Variants in RBM47 observed in about 807,000 individuals in gnomAD.
RBM47 encodes the protein RNA-binding protein 47.
RBM47 carries 21 observed loss-of-function variants against 47.1 expected under a neutral mutation model. That is an observed-to-expected ratio of 0.45 (90% confidence interval 0.32 to 0.64). RBM47 has a LOEUF of 0.64. Among genes scored for constraint, RBM47 ranks in the 30% least tolerant of loss-of-function variants. RBM47 has a pLI of 0.05. For synonymous variants in RBM47, 375 were observed against 361.7 expected (o/e 1.04, Z -0.42); for missense variants, 708 against 870.9 (o/e 0.81, Z 2.35).
At chr4:40,620,179 G>A (rs560540911) in intron 1 of RBM47, among the ~76,000 whole-genome samples, 11 of 113,056 alleles carry the variant, frequency 9.7e-5, no homozygotes, top group African/African-American at 3.9e-4. Context: ...CTGGGCGATA[G>A]AGTGAGACTC....
chr4:40,582,425 T>C (rs1023041100), intron 1 of RBM47, among the ~76,000 whole-genome samples: 13 of 152,068 alleles, frequency 8.5e-5, no homozygotes, highest in African/African-American at 3.1e-4. Flanking sequence ...TCCCAGCTAC[T>C]TGGGACGCTG....
intron 1 of RBM47, among the ~76,000 whole-genome samples, chr4:40,599,396 G>T (rs1735041202): frequency 6.6e-6 from 1 of 152,100 alleles, no homozygotes; most frequent in Non-Finnish European, 1.5e-5. Context: ...ACCCATTTAG[G>T]TTGATCCTTA....
intron 3 of RBM47, among the ~76,000 whole-genome samples, chr4:40,458,834 C>A (rs926762765): frequency 6.6e-6 from 1 of 151,960 alleles, no homozygotes; most frequent in African/African-American, 2.4e-5. Context: ...AAAACAGGTC[C>A]TTCTGCAAAC....
At chr4:40,492,689 G>A (rs1722044551) in intron 2 of RBM47, among the ~76,000 whole-genome samples, 2 of 152,154 alleles carry the variant, frequency 1.3e-5, no homozygotes, top group African/African-American at 2.4e-5. Context: ...GCCTGGCTTT[G>A]TGTCCCAGCT....
intron 1 of RBM47, among the ~76,000 whole-genome samples, chr4:40,545,701 A>ATAAATAAATAAATAAATAAG (rs1238244124): frequency 4.0e-5 from 6 of 151,654 alleles, no homozygotes; most frequent in African/African-American, 1.4e-4. Context: ...AAATAAATAA[A>ATAAATAAATAAATAAATAAG]TAAAAGAGAA....
At position 40,437,651 on chromosome 4, in the gene RBM47, G is replaced by T. The variant is rs532370995; in HGVS notation, c.1123+120C>A. Reference sequence around the variant, plus strand: ...GACCCAGAATGCAAACCCAAAACGGGGGTGGGAGGGCCTTCAGCACCTACC... The same window carrying T: ...GACCCAGAATGCAAACCCAAAACGGTGGTGGGAGGGCCTTCAGCACCTACC... On this transcript the variant is annotated intron_variant, in intron 4 of 6. Transcript: ENST00000295971. The T allele has an allele frequency of 2.3e-4, 234 of 1,030,972 alleles. No individual in the cohort carries two copies. The African/African-American group carries it at 3.4e-3, about 15-fold the overall frequency. The allele number at this position is 1,030,972 out of a possible 1,614,324, so 63.9% of individuals were successfully genotyped here. A position where few individuals can be genotyped will look rare whatever the true frequency, so the allele number is the denominator to read the frequency against.
intron 1 of RBM47, among the ~76,000 whole-genome samples, chr4:40,584,114 C>T (rs76308876): frequency 0.011 from 1,606 of 152,160 alleles, 12 homozygotes; most frequent in Middle Eastern, 0.024. Context: ...CAGGCACGCA[C>T]CAACATGCCC....
At chr4:40,561,227 CTTT>C (rs1176318537) in intron 1 of RBM47, among the ~76,000 whole-genome samples, 4 of 113,640 alleles carry the variant, frequency 3.5e-5, no homozygotes, top group Non-Finnish European at 3.6e-5. Flanking sequence ...TTTCCATTGT[CTTT>C]TTTTTTTTTT....
intron 3 of RBM47, among the ~76,000 whole-genome samples, chr4:40,448,268 T>A (rs998981045): frequency 7.0e-6 from 1 of 143,184 alleles, no homozygotes; most frequent in Non-Finnish European, 1.5e-5. Flanking sequence ...ACTGTGAGAG[T>A]GTGTGTGTGT....
chr4:40,545,625 T>C (rs111269168), intron 1 of RBM47, among the ~76,000 whole-genome samples: 1 of 149,140 alleles, frequency 6.7e-6, no homozygotes, highest in African/African-American at 2.4e-5. Context: ...GATCACGCGA[T>C]TGCTCTCCAG....
intron 1 of RBM47, among the ~76,000 whole-genome samples, chr4:40,605,192 T>C (rs182435316): frequency 5.9e-4 from 89 of 151,404 alleles, no homozygotes; most frequent in African/African-American, 1.9e-3. Flanking sequence ...CCAGCTAATT[T>C]TTTTGTATTT....
chr4:40,442,628 T>C, intron 3 of RBM47, among the ~76,000 whole-genome samples: 1 of 152,226 alleles, frequency 6.6e-6, no homozygotes, highest in Admixed American at 6.5e-5. Context: ...CAATGGATTA[T>C]GATAAACAGA....
chr4:40,465,000 G>C (rs1478095485), intron 3 of RBM47, among the ~76,000 whole-genome samples: 3 of 151,544 alleles, frequency 2.0e-5, no homozygotes, highest in Non-Finnish European at 4.4e-5. Context: ...GGGCTTATGG[G>C]TAGATTTTGT....
chr4:40,499,741 C>G (rs1723096419), intron 2 of RBM47, among the ~76,000 whole-genome samples: 1 of 152,182 alleles, frequency 6.6e-6, no homozygotes, highest in Non-Finnish European at 1.5e-5. Context: ...AGTTCTATGA[C>G]TCCTTGGAAT....
intron 2 of RBM47, among the ~76,000 whole-genome samples, chr4:40,532,012 TC>T (rs1727438694): frequency 6.7e-6 from 1 of 149,952 alleles, no homozygotes; most frequent in Non-Finnish European, 1.5e-5. Flanking sequence ...TTTTTTTTTA[TC>T]TTTTTTTTTT....
rs1714662830 is a variant in RBM47, at chr4:40,423,689, TTTCTTTCTTTC to T, written c.*2204_*2214del. The T allele has an allele frequency of 9.5e-6, 1 of 104,900 alleles. No homozygotes were observed. Among genetic ancestry groups the T allele is most frequent in the African/African-American group, 5.2e-5 (1 of 19,396 alleles). The allele number at this position is 104,900 out of a possible 1,614,324, so 6.5% of individuals were successfully genotyped here. On this transcript the variant is annotated 3_prime_UTR_variant, in exon 7 of 7. Coordinates refer to ENST00000295971, the MANE Select transcript of RBM47 (RefSeq NM_001098634.2). ...CTTTCTTTCTTTCTTTCTTTCTTTC[TTTCTTTCTTTC>T]TTTCTTTCTTTCTTTTCTTTCTTTT...
intron 2 of RBM47, among the ~76,000 whole-genome samples, chr4:40,516,263 T>TTC (rs1192422933): frequency 7.0e-6 from 1 of 143,816 alleles, no homozygotes; most frequent in Non-Finnish European, 1.5e-5. Flanking sequence ...TTTTCTTTCT[T>TTC]TTTTTTTTTT....
At chr4:40,619,102 A>G (rs1335874184) in intron 1 of RBM47, among the ~76,000 whole-genome samples, 2 of 152,046 alleles carry the variant, frequency 1.3e-5, no homozygotes, top group Non-Finnish European at 2.9e-5. Flanking sequence ...CATGCAGGCC[A>G]CTGGCTCTCT....
intron 2 of RBM47, among the ~76,000 whole-genome samples, chr4:40,483,373 C>T (rs1720670935): frequency 6.6e-6 from 1 of 152,140 alleles, no homozygotes; most frequent in Non-Finnish European, 1.5e-5. Flanking sequence ...CCCTGAAGAA[C>T]AGAACAACAA....
Sources: gnomAD v4.1 joint callset for allele counts (sites outside exome capture counted in the v4.1 genomes callset) on GRCh38, gnomAD v4.1.1 for gene constraint, MANE v1.5 for transcripts, NCBI Gene and HGNC (gene_info 2026-07-23, HGNC 2026-07-21) for gene names.